RASGRF2: variants seen among roughly 807,000 people sequenced by gnomAD.
RASGRF2 encodes the protein ras-specific guanine nucleotide-releasing factor 2.
In RASGRF2, 76 loss-of-function variants were observed where a neutral mutation model predicts 151.0. That is an observed-to-expected ratio of 0.50 (90% CI 0.42 to 0.61). The LOEUF is 0.61. RASGRF2 is among the 20% of genes least tolerant of loss of function. The probability of loss-of-function intolerance (pLI) is 0.00; values close to 1 mark genes in which losing one functional copy is unlikely to be tolerated. For synonymous variants in RASGRF2, 504 were observed against 566.5 expected (o/e 0.89, Z 1.57); for missense variants, 1,148 against 1,564.6 (o/e 0.73, Z 4.49).
At chr5:81,058,719 T>A (rs1751310621) in intron 2 of RASGRF2, among the ~76,000 whole-genome samples, 1 of 148,098 alleles carries the variant, frequency 6.8e-6, no homozygotes, top group African/African-American at 2.5e-5. Context: ...GAGAGGGTTG[T>A]TTGAGCCTGA....
chr5:81,061,904 G>T (rs1256367909), intron 2 of RASGRF2, among the ~76,000 whole-genome samples: 2 of 148,278 alleles, frequency 1.3e-5, no homozygotes, highest in African/African-American at 2.5e-5. Context: ...GCCCAGGCTG[G>T]TCTCAAACTC....
intron 15 of RASGRF2, among the ~76,000 whole-genome samples, chr5:81,122,583 G>T (rs958653921): frequency 1.3e-5 from 2 of 152,186 alleles, no homozygotes; most frequent in African/African-American, 2.4e-5. Flanking sequence ...TTGAAAGTTT[G>T]TTGAGTGAAA....
At chr5:81,071,742 T>G (rs1751783186) in intron 4 of RASGRF2, among the ~76,000 whole-genome samples, 1 of 152,150 alleles carries the variant, frequency 6.6e-6, no homozygotes, top group Non-Finnish European at 1.5e-5. Flanking sequence ...GGAGACAAGA[T>G]TAATTCTATT....
At chr5:81,116,990 C>T (rs980335469) in intron 15 of RASGRF2, among the ~76,000 whole-genome samples, 1 of 152,186 alleles carries the variant, frequency 6.6e-6, no homozygotes, top group Non-Finnish European at 1.5e-5. Flanking sequence ...AATAACGGTG[C>T]AATGAATATG....
At chr5:81,071,652 A>T (rs373947184) in intron 4 of RASGRF2, among the ~76,000 whole-genome samples, 3 of 151,686 alleles carry the variant, frequency 2.0e-5, no homozygotes, top group Non-Finnish European at 4.4e-5. Context: ...TTAGAAATTA[A>T]TTTTTTTTTG....
At chr5:81,214,785 C>T (rs1755698574) in intron 23 of RASGRF2, among the ~76,000 whole-genome samples, 1 of 152,328 alleles carries the variant, frequency 6.6e-6, no homozygotes, top group Non-Finnish European at 1.5e-5. Flanking sequence ...AATGGGTTAT[C>T]CTCCCCAAGG....
At chr5:81,198,081 C>G (rs980611513) in intron 18 of RASGRF2, among the ~76,000 whole-genome samples, 1 of 151,986 alleles carries the variant, frequency 6.6e-6, no homozygotes, top group Non-Finnish European at 1.5e-5. Flanking sequence ...TATTCTCTCT[C>G]TCTCTCTCCC....
chr5:81,001,589 C>T lies in RASGRF2; in HGVS notation c.288+40563C>T, dbSNP rs766104069. ...GTTGCCCCCATTTTGAGCATGGACC[C>T]TATTCCTGGGCTATTGAAAGGATAT... On this transcript the variant is annotated intron_variant, in intron 1 of 26. Transcript: ENST00000265080. Among the ~76,000 whole-genome samples, 40 of 152,152 alleles carry T rather than the reference C, an allele frequency of 2.6e-4. 1 individual carries two copies. The highest frequency in any genetic ancestry group is 4.6e-4 in the Non-Finnish European group (31 of 68,026).
At chr5:81,001,905 G>A (rs1297857825) in intron 1 of RASGRF2, among the ~76,000 whole-genome samples, 1 of 152,188 alleles carries the variant, frequency 6.6e-6, no homozygotes, top group African/African-American at 2.4e-5. Flanking sequence ...TCATCGACTG[G>A]TTTGAACAAG....
At chr5:80,961,164 C>G in intron 1 of RASGRF2, 138 bp downstream of exon 1, 1 of 975,250 alleles carries the variant, frequency 1.0e-6, no homozygotes. Flanking sequence ...TCACCAGTGG[C>G]GGGACATCTC....
rs139663215 is a variant in RASGRF2 at position 81,190,502 on chromosome 5, T to A, written c.2793+10221T>A. 3.8e-3 allele frequency among the ~76,000 whole-genome samples: 585 copies of A among 152,350 alleles called. 3 individuals carry two copies. Among genetic ancestry groups the A allele is most frequent in the Non-Finnish European group, 6.7e-3 (453 of 68,034 alleles). ...AATTGGCAAAATTATCTGTGTGAAG[T>A]TATAATGCACAAATGAATTATTTGT... On this transcript the variant is annotated intron_variant, in intron 18 of 26. Coordinates refer to ENST00000265080, the MANE Select transcript of RASGRF2 (RefSeq NM_006909.3).
chr5:81,148,649 G>A (rs977012373), intron 17 of RASGRF2, among the ~76,000 whole-genome samples: 1 of 145,120 alleles, frequency 6.9e-6, no homozygotes, highest in South Asian at 2.3e-4. Context: ...ATCCACCCTC[G>A]AACATCACAC....
At chr5:81,162,410 C>T (rs955830248) in intron 17 of RASGRF2, among the ~76,000 whole-genome samples, 4 of 152,094 alleles carry the variant, frequency 2.6e-5, no homozygotes, top group Admixed American at 1.3e-4. Flanking sequence ...TGCAATGGTA[C>T]GATCTTGGCT....
At chr5:81,032,329 C>A (rs1261832277) in intron 1 of RASGRF2, among the ~76,000 whole-genome samples, 2 of 152,148 alleles carry the variant, frequency 1.3e-5, no homozygotes, top group African/African-American at 4.8e-5. Context: ...CAAAGCCTGG[C>A]AGAGACACAA....
At chr5:81,005,604 G>T (rs530756779) in intron 1 of RASGRF2, among the ~76,000 whole-genome samples, 47 of 152,232 alleles carry the variant, frequency 3.1e-4, no homozygotes, top group Middle Eastern at 6.8e-3. Context: ...AAATCCCATT[G>T]TATGGATATA....
rs1751414237 is a variant in RASGRF2 at position 81,061,016 on chromosome 5, A to G, written c.396-7016A>G. On this transcript the variant is annotated intron_variant, in intron 2 of 26. Transcript: ENST00000265080. ...TCTGTGTATGAACATATATACATGT[A>G]CATGTACATATAATGTTTATCTCAA... is the stretch of plus-strand genomic sequence containing the variant. Among the ~76,000 whole-genome samples the G allele has an allele frequency of 2.6e-5, 4 of 152,032 alleles. No homozygotes were observed. The South Asian group carries it at 8.3e-4, about 32-fold the overall frequency.
At chr5:81,107,579 C>T (rs549811342) in intron 12 of RASGRF2, among the ~76,000 whole-genome samples, 7 of 152,244 alleles carry the variant, frequency 4.6e-5, no homozygotes, top group South Asian at 2.1e-4. Flanking sequence ...TTCTGGCAAG[C>T]GCTCTCAACA....
At chr5:81,140,591 G>A (rs1753862608) in intron 17 of RASGRF2, among the ~76,000 whole-genome samples, 1 of 152,070 alleles carries the variant, frequency 6.6e-6, no homozygotes. Context: ...TTCTCTTCCT[G>A]GAAACATGCC....
At chr5:81,203,906 C>A (rs1421529809) in intron 19 of RASGRF2, among the ~76,000 whole-genome samples, 3 of 152,208 alleles carry the variant, frequency 2.0e-5, no homozygotes, top group African/African-American at 4.8e-5. Flanking sequence ...GGCCATATGG[C>A]CCAAGTGAAA....
Sources: allele counts gnomAD v4.1 joint callset (sites outside exome capture counted in the v4.1 genomes callset), GRCh38; gene constraint gnomAD v4.1.1; transcripts MANE v1.5; gene names NCBI Gene and HGNC (gene_info 2026-07-23, HGNC 2026-07-21).